ATXN7L1: variants seen among roughly 807,000 people sequenced by gnomAD.
ATXN7L1 encodes ataxin-7-like protein 1.
ATXN7L1 carries 15 observed loss-of-function variants against 70.8 expected under a neutral mutation model. That is an observed-to-expected ratio of 0.21 (90% CI 0.14 to 0.33). The LOEUF (loss-of-function observed/expected upper bound fraction) is 0.33. Ranked by LOEUF, ATXN7L1 falls within the 10% of genes least tolerant of loss-of-function variation. The pLI is 1.00. For synonymous variants in ATXN7L1, 440 were observed against 445.1 expected (o/e 0.99, Z 0.14); for missense variants, 975 against 1,097.1 (o/e 0.89, Z 1.57).
chr7:105,613,765 T>C, intron 10 of ATXN7L1, 97 bp downstream of exon 10: 2 of 1,539,374 alleles, frequency 1.3e-6, no homozygotes, highest in African/African-American at 2.8e-5. Flanking sequence ...GGAATCAAGC[T>C]TGTGTTACCT....
intron 5 of ATXN7L1, among the ~76,000 whole-genome samples, chr7:105,641,198 C>T (rs1584464895): frequency 1.2e-5 from 1 of 85,716 alleles, no homozygotes; most frequent in Non-Finnish European, 2.4e-5. Context: ...TGCCTTTTCT[C>T]TCTCTCTCTC....
At chr7:105,624,525 C>G (rs1365250439) in intron 7 of ATXN7L1, among the ~76,000 whole-genome samples, 1 of 151,960 alleles carries the variant, frequency 6.6e-6, no homozygotes, top group Non-Finnish European at 1.5e-5. Context: ...TGGCGCGTGC[C>G]TGTAGTCCCA....
intron 3 of ATXN7L1, among the ~76,000 whole-genome samples, chr7:105,737,857 G>A (rs1010463726): frequency 2.0e-5 from 3 of 152,180 alleles, no homozygotes; most frequent in African/African-American, 7.2e-5. Flanking sequence ...AAGGTGACAA[G>A]AGTCCAATGG....
chr7:105,792,207 C>G (rs1347494239), intron 2 of ATXN7L1, among the ~76,000 whole-genome samples: 1 of 152,218 alleles, frequency 6.6e-6, no homozygotes, highest in Non-Finnish European at 1.5e-5. Context: ...AGGCCTTTCC[C>G]GTTGAGACTT....
intron 4 of ATXN7L1, among the ~76,000 whole-genome samples, chr7:105,664,114 C>A (rs913874164): frequency 2.6e-5 from 4 of 152,108 alleles, no homozygotes; most frequent in Non-Finnish European, 5.9e-5. Flanking sequence ...AAGGGGTGAC[C>A]TTCTACTTGG....
intron 3 of ATXN7L1, among the ~76,000 whole-genome samples, chr7:105,710,179 GAT>G (rs879819340): frequency 2.0e-5 from 3 of 152,124 alleles, no homozygotes; most frequent in Non-Finnish European, 2.9e-5. Flanking sequence ...AACCAGGGAT[GAT>G]ATATTAGTCC....
intron 2 of ATXN7L1, among the ~76,000 whole-genome samples, chr7:105,790,846 T>A (rs1425107474): frequency 6.6e-6 from 1 of 152,112 alleles, no homozygotes; most frequent in African/African-American, 2.4e-5. Flanking sequence ...AGGGCAGCCA[T>A]GAACACTGGC....
Position 105,607,739 on chromosome 7 carries a change from G to T in ATXN7L1, c.*113C>A. On this transcript the variant is annotated 3_prime_UTR_variant, in exon 12 of 12. Transcript: ENST00000419735. ...AAGAAAGGCCAGAGTCACAGGGAGT[G>T]CACAGAAAACAGACTCTCCCCCCAG... is the stretch of plus-strand genomic sequence containing the variant. 2.2e-6 allele frequency: 2 copies of T among 905,332 alleles called. No homozygotes were observed. The highest frequency in any genetic ancestry group is 3.5e-6 in the Non-Finnish European group (2 of 576,426). 56.1% of individuals were successfully genotyped at this position (905,332 alleles called of 1,614,324 possible).
At chr7:105,818,250 A>G (rs1428849672) in intron 2 of ATXN7L1, among the ~76,000 whole-genome samples, 1 of 152,110 alleles carries the variant, frequency 6.6e-6, no homozygotes, top group East Asian at 1.9e-4. Context: ...GATCACTGCA[A>G]CCTCTGCCTC....
intron 2 of ATXN7L1, among the ~76,000 whole-genome samples, chr7:105,796,711 T>C (rs950508804): frequency 6.6e-6 from 1 of 152,234 alleles, no homozygotes; most frequent in Non-Finnish European, 1.5e-5. Context: ...TATTATACTG[T>C]ATTTATTAAT....
At chr7:105,706,620 G>A (rs1312526661) in intron 3 of ATXN7L1, among the ~76,000 whole-genome samples, 1 of 152,152 alleles carries the variant, frequency 6.6e-6, no homozygotes, top group Non-Finnish European at 1.5e-5. Flanking sequence ...ATTCCTTTGT[G>A]GCCAGTTCTC....
intron 3 of ATXN7L1, among the ~76,000 whole-genome samples, chr7:105,754,224 C>T (rs553237113): frequency 3.9e-5 from 6 of 152,038 alleles, no homozygotes; most frequent in South Asian, 4.2e-4. Flanking sequence ...GGGCTTCAGA[C>T]GGGAAAACAC....
intron 10 of ATXN7L1, 166 bp downstream of exon 10, chr7:105,613,696 G>A (rs1229758499): frequency 8.1e-6 from 12 of 1,477,502 alleles, no homozygotes; most frequent in Admixed American, 2.4e-5. Flanking sequence ...TCAAGTACTT[G>A]TTCAGTAAAG....
chr7:105,875,989 T>C (rs1819214897), intron 1 of ATXN7L1, 109 bp from the exon 2 acceptor site: 9 of 946,328 alleles, frequency 9.5e-6, no homozygotes, highest in Non-Finnish European at 1.5e-5. Context: ...TCGATATAAA[T>C]ACTGTATATG....
At chr7:105,700,309 C>T (rs1005747752) in intron 3 of ATXN7L1, among the ~76,000 whole-genome samples, 1 of 152,012 alleles carries the variant, frequency 6.6e-6, no homozygotes, top group African/African-American at 2.4e-5. Flanking sequence ...AGTTCGATAC[C>T]AGCCTGGCCG....
chr7:105,609,409 T>C (rs1036286301), intron 11 of ATXN7L1, among the ~76,000 whole-genome samples: 9 of 152,266 alleles, frequency 5.9e-5, no homozygotes, highest in Non-Finnish European at 1.3e-4. Context: ...CCTCGTGATC[T>C]GCCTGCCTTG....
chr7:105,872,544 C>A (rs140768333), intron 2 of ATXN7L1, among the ~76,000 whole-genome samples: 150 of 152,168 alleles, frequency 9.9e-4, no homozygotes, highest in African/African-American at 3.4e-3. Flanking sequence ...TGAAGAGATG[C>A]GAAGTGAAAT....
intron 4 of ATXN7L1, among the ~76,000 whole-genome samples, chr7:105,649,868 C>G (rs1466372539): frequency 6.6e-6 from 1 of 152,182 alleles, no homozygotes; most frequent in Admixed American, 6.5e-5. Flanking sequence ...CTGATTTCCT[C>G]CACCAATTCC....
chr7:105,680,581 C>T (rs940746669), intron 3 of ATXN7L1, among the ~76,000 whole-genome samples: 1 of 152,110 alleles, frequency 6.6e-6, no homozygotes, highest in African/African-American at 2.4e-5. Context: ...TCTGACCAGC[C>T]CTCGTTTTCA....
Sources: allele counts gnomAD v4.1 joint callset (sites outside exome capture counted in the v4.1 genomes callset), GRCh38; gene constraint gnomAD v4.1.1; transcripts MANE v1.5; gene names NCBI Gene and HGNC (gene_info 2026-07-23, HGNC 2026-07-21).